Variants in STXBP5L observed in about 807,000 individuals in gnomAD.
STXBP5L encodes syntaxin-binding protein 5-like.
Under a neutral mutation model 144.5 loss-of-function variants are expected in STXBP5L, and 65 were observed. The ratio of observed to expected loss-of-function variants is 0.45; its 90% confidence interval spans 0.37 to 0.55. The LOEUF (loss-of-function observed/expected upper bound fraction) is 0.55, where lower values mean the gene tolerates loss of function less well. STXBP5L is among the 20% of genes least tolerant of loss of function. The pLI, the probability that STXBP5L is intolerant of heterozygous loss-of-function variation, is 0.00. For missense variants in STXBP5L, 1,298 were observed against 1,405.5 expected, an observed-to-expected ratio of 0.92 and a Z score of 1.22; for synonymous variants, 505 against 469.6, an observed-to-expected ratio of 1.08 and a Z score of -0.97.
At chr3:121,111,201 A>T (rs1399292760) in intron 5 of STXBP5L, among the ~76,000 whole-genome samples, 1 of 152,084 alleles carries the variant, frequency 6.6e-6, no homozygotes, top group Admixed American at 6.6e-5. Flanking sequence ...TAGCTCAGTG[A>T]AGTTCATTAT....
chr3:121,004,335 G>T (rs892297267), intron 3 of STXBP5L, among the ~76,000 whole-genome samples: 2 of 151,928 alleles, frequency 1.3e-5, no homozygotes, highest in Admixed American at 6.6e-5. Flanking sequence ...GTTCACTCAT[G>T]ATTTGGCTCT....
At chr3:121,315,165 G>A (rs1292165009) in intron 19 of STXBP5L, among the ~76,000 whole-genome samples, 4 of 152,036 alleles carry the variant, frequency 2.6e-5, no homozygotes, top group Non-Finnish European at 5.9e-5. Flanking sequence ...AAATCATGCT[G>A]CTATAAAGAC....
intron 25 of STXBP5L, 21 bp downstream of exon 25, chr3:121,415,989 A>T: frequency 1.3e-6 from 2 of 1,590,870 alleles, no homozygotes; most frequent in Middle Eastern, 3.3e-4. Flanking sequence ...TCCTGATTAT[A>T]GAAATGTATT....
chr3:121,094,515 A>T (rs1323421049), intron 5 of STXBP5L, among the ~76,000 whole-genome samples: 1 of 151,922 alleles, frequency 6.6e-6, no homozygotes, highest in Non-Finnish European at 1.5e-5. Context: ...TAGTCCCTTT[A>T]CCATTATGTA....
chr3:121,313,358 C>A (rs2043625591), intron 19 of STXBP5L, among the ~76,000 whole-genome samples: 2 of 134,148 alleles, frequency 1.5e-5, no homozygotes, highest in African/African-American at 2.9e-5. Context: ...CCCCCCACCT[C>A]CCTCCCGGAC....
At chr3:121,240,214 A>G (rs1300047005) in intron 13 of STXBP5L, among the ~76,000 whole-genome samples, 1 of 152,100 alleles carries the variant, frequency 6.6e-6, no homozygotes, top group Non-Finnish European at 1.5e-5. Context: ...TGTTTATATA[A>G]ATGGTAAGAT....
intron 5 of STXBP5L, among the ~76,000 whole-genome samples, chr3:121,113,672 C>CTTTTTTTTTT (rs1231857211): frequency 3.3e-5 from 4 of 122,566 alleles, no homozygotes; most frequent in Admixed American, 9.2e-5. Context: ...TTTTCTTTTT[C>CTTTTTTTTTT]TTTTTTTTTT....
chr3:121,351,906 A>G (rs2045298904), intron 20 of STXBP5L, among the ~76,000 whole-genome samples: 1 of 152,148 alleles, frequency 6.6e-6, no homozygotes, highest in African/African-American at 2.4e-5. Context: ...ACAGATGGCT[A>G]GCCAGTTTTC....
At chr3:121,268,864 T>C (rs2050655647) in intron 18 of STXBP5L, among the ~76,000 whole-genome samples, 1 of 152,208 alleles carries the variant, frequency 6.6e-6, no homozygotes, top group Non-Finnish European at 1.5e-5. Flanking sequence ...CCAAAAGGCT[T>C]TAGCTGTTCA....
At chr3:121,180,779 C>T (rs1318782440) in intron 9 of STXBP5L, among the ~76,000 whole-genome samples, 2 of 152,268 alleles carry the variant, frequency 1.3e-5, no homozygotes, top group East Asian at 3.9e-4. Flanking sequence ...GAGGCTGAGG[C>T]AGGAGAATCA....
At chr3:121,234,353 A>T (rs1328513639) in intron 12 of STXBP5L, among the ~76,000 whole-genome samples, 1 of 151,876 alleles carries the variant, frequency 6.6e-6, no homozygotes, top group East Asian at 1.9e-4. Context: ...CTTTCTCTTC[A>T]TTTTTTCTTC....
intron 2 of STXBP5L, among the ~76,000 whole-genome samples, chr3:120,945,662 A>G (rs1313481771): frequency 1.3e-5 from 2 of 151,802 alleles, no homozygotes; most frequent in African/African-American, 4.8e-5. Context: ...AGGCGAGAGT[A>G]AAACGAAGCT....
intron 2 of STXBP5L, among the ~76,000 whole-genome samples, chr3:120,953,135 T>C (rs1279944569): frequency 6.6e-6 from 1 of 151,934 alleles, no homozygotes; most frequent in East Asian, 1.9e-4. Flanking sequence ...TTGTCAGGCA[T>C]TGTTCTAACA....
At chr3:121,385,374 C>T (rs566701343) in intron 22 of STXBP5L, among the ~76,000 whole-genome samples, 6 of 152,206 alleles carry the variant, frequency 3.9e-5, no homozygotes, top group South Asian at 2.1e-4. Context: ...TTTTAAATAA[C>T]CAGATCTTAT....
intron 3 of STXBP5L, among the ~76,000 whole-genome samples, chr3:121,035,443 C>T (rs1445426661): frequency 6.6e-6 from 1 of 152,092 alleles, no homozygotes; most frequent in African/African-American, 2.4e-5. Flanking sequence ...TCCAATTTTC[C>T]CAGCACCATT....
chr3:121,075,864 A>G lies in STXBP5L; in HGVS notation c.470+30329A>G, dbSNP rs140513514. Among the ~76,000 whole-genome samples the G allele has an allele frequency of 9.2e-4, 140 of 152,352 alleles. 1 individual carries two copies. Among genetic ancestry groups the G allele is most frequent in the African/African-American group, 3.2e-3 (131 of 41,584 alleles). On this transcript the variant is annotated intron_variant, in intron 5 of 26. Coordinates refer to ENST00000471454, the MANE Select transcript of STXBP5L (RefSeq NM_001308330.2). ...ACTGCCTGATATCTCCTGTGCCTGC[A>G]GGTGCATTGTTCTCCAGCCTCTAGA...
chr3:120,973,737 C>T (rs1286367596), intron 3 of STXBP5L, among the ~76,000 whole-genome samples: 1 of 149,364 alleles, frequency 6.7e-6, no homozygotes, highest in Non-Finnish European at 1.5e-5. Context: ...TGTTCCCCTT[C>T]CTGTGTCCAT....
In STXBP5L at chr3:121,269,137, G is replaced by C. The variant is rs1311691903; in HGVS notation, c.1958+9969G>C. Among the ~76,000 whole-genome samples the C allele has an allele frequency of 2.0e-5, 3 of 152,056 alleles. No homozygotes were observed. The East Asian group carries it at 5.8e-4, about 29-fold the overall frequency. On this transcript the variant is annotated intron_variant, in intron 18 of 26. Transcript: ENST00000471454. ...GTATCTGGACATTAGACATTAAGGG[G>C]GGAAAAAAGCATAAGACAATCATGA...
At chr3:121,098,903 C>A (rs748072958) in intron 5 of STXBP5L, among the ~76,000 whole-genome samples, 27 of 152,046 alleles carry the variant, frequency 1.8e-4, no homozygotes, top group Non-Finnish European at 3.7e-4. Flanking sequence ...TAATTTTCTC[C>A]ATTTCAGGCA....
Sources: gnomAD v4.1 joint callset for allele counts (sites outside exome capture counted in the v4.1 genomes callset) on GRCh38, gnomAD v4.1.1 for gene constraint, MANE v1.5 for transcripts, NCBI Gene and HGNC (gene_info 2026-07-23, HGNC 2026-07-21) for gene names.